MZT2A: variants seen among roughly 807,000 people sequenced by gnomAD.
MZT2A encodes the protein mitotic-spindle organizing protein 2A.
Under a neutral mutation model 12.4 loss-of-function variants are expected in MZT2A, and 8 were observed. That is an observed-to-expected ratio of 0.64 (90% CI 0.38 to 1.16). The LOEUF is 1.16. Ranked by LOEUF, MZT2A falls within the 50% of genes most tolerant of loss-of-function variation. The probability of loss-of-function intolerance (pLI) is 0.01; values close to 1 mark genes in which losing one functional copy is unlikely to be tolerated. For missense variants in MZT2A, 181 were observed against 223.6 expected, an observed-to-expected ratio of 0.81 and a Z score of 1.22; for synonymous variants, 88 against 107.5, an observed-to-expected ratio of 0.82 and a Z score of 1.12.
chr2:131,476,586 T>G (rs955278145), intron 2 of MZT2A, among the ~76,000 whole-genome samples: 2 of 152,220 alleles, frequency 1.3e-5, no homozygotes, highest in Admixed American at 6.5e-5. Context: ...TGGACATTGA[T>G]CAGATGAGGA....
intron 3 of MZT2A, among the ~76,000 whole-genome samples, chr2:131,470,584 C>T (rs1704962493): frequency 1.3e-5 from 2 of 152,262 alleles, no homozygotes; most frequent in African/African-American, 4.8e-5. Flanking sequence ...CCAAGAAAGA[C>T]CCTGCAACTG....
chr2:131,484,506 G>A (rs867001529), intron 2 of MZT2A, among the ~76,000 whole-genome samples: 20 of 152,316 alleles, frequency 1.3e-4, no homozygotes, highest in Middle Eastern at 3.4e-3. Flanking sequence ...CACATGCCAC[G>A]GGCCCATTTA....
chr2:131,491,084 G>A, intron 2 of MZT2A: 1 of 894,474 alleles, frequency 1.1e-6, no homozygotes, highest in South Asian at 1.5e-5. Flanking sequence ...TTCCAGGCAG[G>A]GAGCCAGCTC....
chr2:131,487,966 T>C (rs1417210734), intron 2 of MZT2A, among the ~76,000 whole-genome samples: 2 of 152,186 alleles, frequency 1.3e-5, no homozygotes, highest in Non-Finnish European at 2.9e-5. Context: ...TGGGTCTCCC[T>C]GTGTTGCCCT....
chr2:131,483,895 G>T, downstream of MZT2A: 1 of 1,373,224 alleles, frequency 7.3e-7, no homozygotes, highest in Non-Finnish European at 9.4e-7. Flanking sequence ...AACCAGGACC[G>T]GCACAGAAAC....
At chr2:131,482,803 C>T (rs377221713), downstream of MZT2A, 168 of 1,613,820 alleles carry the variant, frequency 1.0e-4, no homozygotes, top group African/African-American at 1.3e-3. Context: ...AAGAGGTGGG[C>T]GTGGATTCCG....
chr2:131,474,746 C>T (rs1256160933), intron 2 of MZT2A, among the ~76,000 whole-genome samples: 3 of 151,848 alleles, frequency 2.0e-5, no homozygotes, highest in Non-Finnish European at 2.9e-5. Flanking sequence ...ATAAATTCCT[C>T]AGGCTAGGCC....
chr2:131,493,270 G>C (rs1268049040), upstream of MZT2A: 1 of 1,334,316 alleles, frequency 7.5e-7, no homozygotes, highest in Non-Finnish European at 9.5e-7. Flanking sequence ...GCCCAGGCCG[G>C]GCAGGCTGGG....
chr2:131,491,764 G>A, intron 2 of MZT2A, 112 bp downstream of exon 2: 9 of 1,387,908 alleles, frequency 6.5e-6, no homozygotes, highest in Non-Finnish European at 8.5e-6. Flanking sequence ...GGCCTAGACC[G>A]ACCGACAGAC....
At chr2:131,479,798 C>A (rs190922539), downstream of MZT2A, among the ~76,000 whole-genome samples, 53 of 152,248 alleles carry the variant, frequency 3.5e-4, no homozygotes, top group Admixed American at 3.5e-3. Context: ...TGAGATTGCA[C>A]TACTGCACTC....
chr2:131,487,090 T>G (rs1679080127), intron 2 of MZT2A, among the ~76,000 whole-genome samples: 2 of 152,102 alleles, frequency 1.3e-5, no homozygotes, highest in Admixed American at 1.3e-4. Context: ...GGCTGCAGGT[T>G]GGGGTGTGAG....
At chr2:131,492,941 C>T (rs1679409742), upstream of MZT2A, 1 of 1,526,070 alleles carries the variant, frequency 6.6e-7, no homozygotes, top group East Asian at 2.5e-5. Flanking sequence ...CCTGCCTCGC[C>T]ATTTCCCCTC....
upstream of MZT2A, chr2:131,493,056 G>T: frequency 2.7e-6 from 4 of 1,491,054 alleles, no homozygotes; most frequent in Non-Finnish European, 2.7e-6. Context: ...GCGTGGCTCT[G>T]CGCGCAGCTT....
At position 131,492,266 on chromosome 2, in the gene MZT2A, C is replaced by T; in HGVS notation, c.111G>A (p.Glu37=). The T allele has an allele frequency of 1.3e-6, 2 of 1,580,502 alleles. No individual in the cohort carries two copies. The highest frequency in any genetic ancestry group is 1.7e-6 in the Non-Finnish European group (2 of 1,170,750). ...LRRKKVLSTE[E]MELYELAQAA... ...CCTGAGCCAGCTCGTACAGCTCCAT[C>T]TCCTCGGTGCTCAGCACCTTCTTGC... Residue 37 remains glutamate, a synonymous_variant, in exon 1 of 3, where the codon GAG becomes GAA. Transcript: ENST00000309451.
At chr2:131,485,027 C>T (rs529023963) in intron 2 of MZT2A, among the ~76,000 whole-genome samples, 39 of 152,318 alleles carry the variant, frequency 2.6e-4, no homozygotes, top group African/African-American at 9.1e-4. Flanking sequence ...TTGACAGCAT[C>T]GGCAAGACTG....
chr2:131,485,256 T>C (rs34939027), intron 2 of MZT2A, among the ~76,000 whole-genome samples: 2,226 of 152,280 alleles, frequency 0.015, 39 homozygotes, highest in Middle Eastern at 0.041. Flanking sequence ...AGGGAGTGCC[T>C]TGACCACTCT....
chr2:131,491,931 C>G lies in MZT2A; in HGVS notation c.264G>C (p.Glu88Asp), dbSNP rs564056055. Residue 88 changes from glutamate to aspartate, a missense_variant, in exon 2 of 3, where the codon GAG becomes GAC. Around this residue, in one of 3 missense-constraint regions of MZT2A, gnomAD observed 106 missense variants for 127.2 expected, o/e 0.83. Transcript: ENST00000309451. ...GAGACACGGCCGCAGGGTCCTGGGG[C>G]TCGCTCGCTAGCCTCTGCCCGGCAC... ...SMCAGQRLAS[E>D]PQDPAAVSLP... 3.4e-4 allele frequency: 527 copies of G among 1,536,682 alleles called. 2 individuals carry two copies. Among genetic ancestry groups the G allele is most frequent in the Non-Finnish European group, 4.1e-4 (466 of 1,138,732 alleles).
intron 4 of MZT2A, chr2:131,470,047 A>G (rs187243483): frequency 0.064 from 21,213 of 332,924 alleles, 2,657 homozygotes; most frequent in African/African-American, 0.39. Flanking sequence ...CAGGCCATCC[A>G]CCCGCCTCGA....
At chr2:131,485,109 G>A (rs1359746274) in intron 2 of MZT2A, among the ~76,000 whole-genome samples, 1 of 152,154 alleles carries the variant, frequency 6.6e-6, no homozygotes, top group African/African-American at 2.4e-5. Context: ...CCCATGCGGA[G>A]TGCCTTGGCC....
Sources: gnomAD v4.1 joint callset for allele counts (sites outside exome capture counted in the v4.1 genomes callset) on GRCh38, gnomAD v4.1.1 for gene constraint, gnomAD v4.1.1 regional missense constraint, MANE v1.5 for transcripts, NCBI Gene and HGNC (gene_info 2026-07-23, HGNC 2026-07-21) for gene names.